The following ARHGAP15 variants were observed in gnomAD, a reference collection of about 807,000 sequenced individuals.
The protein encoded by ARHGAP15 is rho GTPase-activating protein 15.
ARHGAP15 carries 51 observed loss-of-function variants against 63.7 expected under a neutral mutation model. That is an observed-to-expected ratio of 0.80 (90% CI 0.64 to 1.01). The LOEUF is 1.01. ARHGAP15 is among the 50% of genes least tolerant of loss of function. The pLI, the probability that ARHGAP15 is intolerant of heterozygous loss-of-function variation, is 0.00. For synonymous variants in ARHGAP15, 191 were observed against 193.8 expected, an observed-to-expected ratio of 0.99 and a Z score of 0.12; for missense variants, 560 against 564.6, an observed-to-expected ratio of 0.99 and a Z score of 0.08.
chr2:143,266,546 A>G (rs1482120731), intron 6 of ARHGAP15, among the ~76,000 whole-genome samples: 6 of 152,190 alleles, frequency 3.9e-5, no homozygotes, highest in Non-Finnish European at 1.5e-5. Context: ...ATATGTATCT[A>G]TGATATGTTT....
chr2:143,607,221 T>C (rs1698072846), intron 11 of ARHGAP15, among the ~76,000 whole-genome samples: 1 of 152,092 alleles, frequency 6.6e-6, no homozygotes. Flanking sequence ...TGGGGCAGAG[T>C]GTGAGAAGAC....
chr2:143,298,495 G>C (rs1426546795), intron 6 of ARHGAP15, among the ~76,000 whole-genome samples: 1 of 151,932 alleles, frequency 6.6e-6, no homozygotes, highest in Non-Finnish European at 1.5e-5. Context: ...TGGAAAATTA[G>C]TGCCATAAAG....
chr2:143,297,088 G>A (rs1033139560), intron 6 of ARHGAP15, among the ~76,000 whole-genome samples: 3 of 151,890 alleles, frequency 2.0e-5, no homozygotes, highest in Non-Finnish European at 4.4e-5. Context: ...TCTTCCTGAG[G>A]GGGAGCCTTT....
At chr2:143,171,140 G>GA (rs1164783061) in intron 2 of ARHGAP15, among the ~76,000 whole-genome samples, 3 of 152,176 alleles carry the variant, frequency 2.0e-5, no homozygotes, top group Admixed American at 6.6e-5. Context: ...AATTAAAGAA[G>GA]AAAAATAATA....
At chr2:143,509,600 C>G (rs1693487872) in intron 9 of ARHGAP15, among the ~76,000 whole-genome samples, 1 of 152,256 alleles carries the variant, frequency 6.6e-6, no homozygotes, top group Non-Finnish European at 1.5e-5. Flanking sequence ...ATAGCACTAA[C>G]AGAAGTCACC....
At chr2:143,392,989 A>G (rs1164069422) in intron 6 of ARHGAP15, among the ~76,000 whole-genome samples, 1 of 152,216 alleles carries the variant, frequency 6.6e-6, no homozygotes. Flanking sequence ...AAGGAGAAGA[A>G]GAGGGAGAGG....
intron 6 of ARHGAP15, among the ~76,000 whole-genome samples, chr2:143,274,272 G>T (rs935124764): frequency 6.6e-6 from 1 of 151,888 alleles, no homozygotes; most frequent in Non-Finnish European, 1.5e-5. Context: ...AGAATTTTAG[G>T]AGTACAAAGC....
At chr2:143,330,443 G>C (rs1300193385) in intron 6 of ARHGAP15, among the ~76,000 whole-genome samples, 1 of 151,976 alleles carries the variant, frequency 6.6e-6, no homozygotes, top group Admixed American at 6.6e-5. Flanking sequence ...AATACCCATA[G>C]TAATTTGTGT....
intron 1 of ARHGAP15, among the ~76,000 whole-genome samples, chr2:143,152,780 C>G (rs888857803): frequency 1.3e-5 from 2 of 151,768 alleles, no homozygotes; most frequent in African/African-American, 4.8e-5. Flanking sequence ...ACGTGGGAAG[C>G]AGAATAAAGA....
At chr2:143,245,571 G>C (rs1356124693) in intron 5 of ARHGAP15, among the ~76,000 whole-genome samples, 1 of 151,860 alleles carries the variant, frequency 6.6e-6, no homozygotes, top group African/African-American at 2.4e-5. Context: ...AAATAAGTGA[G>C]ATTGAGAAAA....
intron 6 of ARHGAP15, among the ~76,000 whole-genome samples, chr2:143,262,535 A>ATTTGTTTTTTTTTT (rs1680774200): frequency 1.1e-5 from 1 of 90,924 alleles, no homozygotes. Flanking sequence ...TGAACCTTTG[A>ATTTGTTTTTTTTTT]TTTTTTTTTT....
intron 6 of ARHGAP15, among the ~76,000 whole-genome samples, chr2:143,426,406 A>G (rs1314596240): frequency 6.6e-6 from 1 of 152,086 alleles, no homozygotes; most frequent in Admixed American, 6.6e-5. Context: ...ATAGAGTGAG[A>G]CCTACAGAAG....
chr2:143,492,857 C>T (rs755003541), intron 9 of ARHGAP15, among the ~76,000 whole-genome samples: 62 of 152,118 alleles, frequency 4.1e-4, no homozygotes, highest in Non-Finnish European at 7.4e-4. Flanking sequence ...GAGATCAAGA[C>T]CATCCTGGCT....
chr2:143,268,061 A>G (rs1681083815), intron 6 of ARHGAP15, among the ~76,000 whole-genome samples: 2 of 152,060 alleles, frequency 1.3e-5, no homozygotes, highest in South Asian at 4.2e-4. Flanking sequence ...ATTTGTTACA[A>G]CAAGTAAAAA....
At chr2:143,644,838 G>T (rs749677909) in intron 12 of ARHGAP15, among the ~76,000 whole-genome samples, 2 of 152,034 alleles carry the variant, frequency 1.3e-5, no homozygotes, top group Non-Finnish European at 2.9e-5. Flanking sequence ...TGTCTCGATG[G>T]TTCTTGATAA....
chr2:143,373,053 G>A (rs886891369), intron 6 of ARHGAP15, among the ~76,000 whole-genome samples: 5 of 108,830 alleles, frequency 4.6e-5, no homozygotes, highest in South Asian at 2.6e-4. Flanking sequence ...AAATAGATGA[G>A]ACAGATAAAG....
chr2:143,562,609 A>G (rs1574637535), intron 11 of ARHGAP15, among the ~76,000 whole-genome samples: 1 of 152,206 alleles, frequency 6.6e-6, no homozygotes, highest in African/African-American at 2.4e-5. Flanking sequence ...TTATCTTTTA[A>G]CAATGATTTA....
intron 1 of ARHGAP15, among the ~76,000 whole-genome samples, chr2:143,140,640 A>G (rs760705124): frequency 6.6e-6 from 1 of 152,188 alleles, no homozygotes; most frequent in African/African-American, 2.4e-5. Flanking sequence ...TCCTGAGAGT[A>G]TAGATTGCTA....
intron 11 of ARHGAP15, among the ~76,000 whole-genome samples, chr2:143,618,364 T>C (rs1698523479): frequency 6.6e-6 from 1 of 152,190 alleles, no homozygotes; most frequent in African/African-American, 2.4e-5. Context: ...TCTCTTCCAT[T>C]TGGGATGTGA....
Sources: allele counts gnomAD v4.1 joint callset (sites outside exome capture counted in the v4.1 genomes callset), GRCh38; gene constraint gnomAD v4.1.1; transcripts MANE v1.5; gene names NCBI Gene and HGNC (gene_info 2026-07-23, HGNC 2026-07-21).